NRG1: variants seen among roughly 807,000 people sequenced by gnomAD.
The protein encoded by NRG1 is pro-neuregulin-1, membrane-bound isoform.
A neutral mutation model predicts 63.8 loss-of-function variants in NRG1; 18 were observed. The observed-to-expected ratio is 0.28, with a 90% CI of 0.19 to 0.42. NRG1 has a LOEUF of 0.42. NRG1 is among the 10% of genes least tolerant of loss of function. The pLI, the probability that NRG1 is intolerant of heterozygous loss-of-function variation, is 1.00. For missense variants in NRG1, 762 were observed against 814.7 expected (o/e 0.94, Z 0.79); for synonymous variants, 302 against 301.3 (o/e 1.00, Z -0.02).
At chr8:31,675,992 G>A (rs1024581788) in intron 1 of NRG1, among the ~76,000 whole-genome samples, 16 of 152,102 alleles carry the variant, frequency 1.1e-4, no homozygotes, top group Non-Finnish European at 1.8e-4. Flanking sequence ...TATTAGACCC[G>A]TGGCTAATCT....
At chr8:32,656,811 G>A (rs1801597138) in intron 5 of NRG1, among the ~76,000 whole-genome samples, 2 of 151,626 alleles carry the variant, frequency 1.3e-5, no homozygotes, top group Non-Finnish European at 2.9e-5. Context: ...ATAAGCTGAT[G>A]GACCCAATAA....
intron 11 of NRG1, chr8:32,760,672 G>A (rs933885666): frequency 5.6e-6 from 7 of 1,250,940 alleles, no homozygotes; most frequent in African/African-American, 1.5e-5. Context: ...AGCACATGGA[G>A]TTTCCAGCTC....
intron 1 of NRG1, among the ~76,000 whole-genome samples, chr8:32,024,621 T>C (rs752715826): frequency 3.9e-5 from 6 of 152,176 alleles, no homozygotes; most frequent in Non-Finnish European, 7.3e-5. Context: ...CCATAGTAAA[T>C]TGGCATCTCT....
chr8:32,369,371 GGCATTTCTCTCA>G (rs1230357663), intron 1 of NRG1, among the ~76,000 whole-genome samples: 1 of 152,226 alleles, frequency 6.6e-6, no homozygotes, highest in African/African-American at 2.4e-5. Context: ...TTTGCCCCAT[GGCATTTCTCTCA>G]GCATCTTCTT....
chr8:32,254,455 G>A (rs1397880008), intron 1 of NRG1, among the ~76,000 whole-genome samples: 1 of 152,184 alleles, frequency 6.6e-6, no homozygotes, highest in Non-Finnish European at 1.5e-5. Flanking sequence ...TCATTCAGGA[G>A]CAGGTTGTTC....
At chr8:32,409,778 G>A (rs1814626846) in intron 1 of NRG1, among the ~76,000 whole-genome samples, 1 of 152,078 alleles carries the variant, frequency 6.6e-6, no homozygotes, top group Admixed American at 6.6e-5. Flanking sequence ...TTCTTCTTGT[G>A]CAAACTGGGT....
At chr8:32,760,050 C>T (rs931456221) in intron 10 of NRG1, 150 bp from the exon 11 acceptor site, 18 of 840,304 alleles carry the variant, frequency 2.1e-5, no homozygotes, top group African/African-American at 3.4e-5. Flanking sequence ...ACCTTTGTGG[C>T]GATTCTATTC....
intron 1 of NRG1, among the ~76,000 whole-genome samples, chr8:32,053,868 C>T (rs1016511404): frequency 1.3e-5 from 2 of 152,164 alleles, no homozygotes; most frequent in South Asian, 4.1e-4. Context: ...GTTTGTGGGA[C>T]AGCACAAACA....
chr8:32,056,639 C>T (rs374795781), intron 1 of NRG1, among the ~76,000 whole-genome samples: 42 of 152,074 alleles, frequency 2.8e-4, no homozygotes, highest in African/African-American at 9.4e-4. Context: ...TTAATCATAT[C>T]CTTTATTTTT....
intron 1 of NRG1, among the ~76,000 whole-genome samples, chr8:32,025,672 G>A (rs1244006824): frequency 6.6e-6 from 1 of 151,910 alleles, no homozygotes; most frequent in Non-Finnish European, 1.5e-5. Context: ...AAAAGTGGAG[G>A]CACAGTGGCT....
At chr8:31,665,680 T>C (rs1806458252) in intron 1 of NRG1, among the ~76,000 whole-genome samples, 1 of 152,252 alleles carries the variant, frequency 6.6e-6, no homozygotes, top group Non-Finnish European at 1.5e-5. Context: ...AAGTTTTCTT[T>C]GATTAGTCAA....
At chr8:32,175,194 T>C (rs1324790900) in intron 1 of NRG1, among the ~76,000 whole-genome samples, 2 of 152,180 alleles carry the variant, frequency 1.3e-5, no homozygotes, top group African/African-American at 4.8e-5. Flanking sequence ...AATCAATAAA[T>C]GTAATCCAGC....
intron 1 of NRG1, among the ~76,000 whole-genome samples, chr8:32,533,056 C>T (rs1831615681): frequency 6.6e-6 from 1 of 151,254 alleles, no homozygotes; most frequent in Admixed American, 6.6e-5. Flanking sequence ...AAGAATGCTT[C>T]CATTTCTACA....
intron 1 of NRG1, among the ~76,000 whole-genome samples, chr8:32,130,316 G>A (rs1563820957): frequency 6.6e-6 from 1 of 151,894 alleles, no homozygotes; most frequent in African/African-American, 2.4e-5. Context: ...ATTCAGCAGT[G>A]CTAAAATGAA....
At chr8:32,235,020 G>A (rs1111307) in intron 1 of NRG1, among the ~76,000 whole-genome samples, 17,535 of 151,700 alleles carry the variant, frequency 0.12, 1,136 homozygotes, top group East Asian at 0.29. Context: ...TTTTCTCCCC[G>A]GTTAGCACAG....
intron 1 of NRG1, among the ~76,000 whole-genome samples, chr8:32,494,878 C>T (rs1212356702): frequency 2.6e-5 from 4 of 152,004 alleles, no homozygotes; most frequent in Admixed American, 6.6e-5. Context: ...ATACGGTATG[C>T]GTCATAAAGT....
At chr8:31,977,954 A>G (rs375475442) in intron 1 of NRG1, among the ~76,000 whole-genome samples, 7 of 152,206 alleles carry the variant, frequency 4.6e-5, no homozygotes, top group South Asian at 4.1e-4. Context: ...AATTATGGAG[A>G]CAGTTTTCAC....
intron 1 of NRG1, among the ~76,000 whole-genome samples, chr8:32,579,583 C>T (rs762477651): frequency 6.6e-6 from 1 of 152,172 alleles, no homozygotes; most frequent in Non-Finnish European, 1.5e-5. Flanking sequence ...GGTGAAGTGA[C>T]ATGTGAGCTA....
At chr8:32,637,450 C>T (rs935545166) in intron 5 of NRG1, among the ~76,000 whole-genome samples, 1 of 152,150 alleles carries the variant, frequency 6.6e-6, no homozygotes, top group East Asian at 1.9e-4. Flanking sequence ...CAGACAGTAG[C>T]AGCCTTCTTG....
Sources: allele counts gnomAD v4.1 joint callset (sites outside exome capture counted in the v4.1 genomes callset), GRCh38; gene constraint gnomAD v4.1.1; transcripts MANE v1.5; gene names NCBI Gene and HGNC (gene_info 2026-07-23, HGNC 2026-07-21).